Variants in PLCL1 observed in about 807,000 individuals in gnomAD.
The protein encoded by PLCL1 is phospholipase C like 1 (inactive), also known as inactive phospholipase C-like protein 1.
A neutral mutation model predicts 84.4 loss-of-function variants in PLCL1; 41 were observed. The ratio of observed to expected loss-of-function variants is 0.49; its 90% confidence interval spans 0.38 to 0.63. The LOEUF is 0.63. PLCL1 is among the 30% of genes least tolerant of loss of function. The pLI, the probability that PLCL1 is intolerant of heterozygous loss-of-function variation, is 0.00. For missense variants in PLCL1, 1,206 were observed against 1,367.8 expected, an observed-to-expected ratio of 0.88 and a Z score of 1.87; for synonymous variants, 490 against 488.3, an observed-to-expected ratio of 1.00 and a Z score of -0.05.
chr2:197,897,471 CT>C (rs1429618620), intron 1 of PLCL1, among the ~76,000 whole-genome samples: 5 of 151,936 alleles, frequency 3.3e-5, no homozygotes, highest in Non-Finnish European at 7.4e-5. Context: ...GCCATAGTGT[CT>C]TGGCTAAGTC....
At chr2:197,837,506 C>T (rs1691216145) in intron 1 of PLCL1, among the ~76,000 whole-genome samples, 1 of 152,188 alleles carries the variant, frequency 6.6e-6, no homozygotes, top group South Asian at 2.1e-4. Context: ...GATCAGCTGA[C>T]TTCAGGTCAT....
intron 1 of PLCL1, among the ~76,000 whole-genome samples, chr2:197,831,830 A>C (rs1452203236): frequency 6.6e-6 from 1 of 152,258 alleles, no homozygotes; most frequent in Non-Finnish European, 1.5e-5. Context: ...CGCAGACCAC[A>C]GTGCAATCAA....
At chr2:198,104,682 C>T (rs1693429052) in intron 5 of PLCL1, among the ~76,000 whole-genome samples, 1 of 152,002 alleles carries the variant, frequency 6.6e-6, no homozygotes, top group African/African-American at 2.4e-5. Flanking sequence ...TCGCTTTTCT[C>T]CACAACCTTG....
chr2:197,939,382 T>C (rs908154812), intron 1 of PLCL1, among the ~76,000 whole-genome samples: 1 of 152,186 alleles, frequency 6.6e-6, no homozygotes, highest in Admixed American at 6.6e-5. Context: ...GGGACCTGTA[T>C]TTGTTTTCCA....
In PLCL1 at chr2:197,806,584, GTTTCTGT is replaced by G. The variant is rs1440265113; in HGVS notation, c.240+1247_240+1253del. 2.6e-5 allele frequency among the ~76,000 whole-genome samples: 4 copies of G among 152,276 alleles called. No homozygotes were observed. In the East Asian group the frequency reaches 7.7e-4, roughly 29 times the overall value. ...TGGTAATTACAAATGGCTTGTAGTA[GTTTCTGT>G]TATTTTGTGGCTTTTTGATTATGTA... On this transcript the variant is annotated intron_variant, in intron 1 of 5. Transcript: ENST00000428675.
intron 5 of PLCL1, among the ~76,000 whole-genome samples, chr2:198,112,767 G>C (rs1216439693): frequency 6.6e-6 from 1 of 151,838 alleles, no homozygotes; most frequent in Non-Finnish European, 1.5e-5. Context: ...AACGCAACTG[G>C]GAGGGGCAAA....
chr2:197,939,546 T>TACC (rs1459279480), intron 1 of PLCL1, among the ~76,000 whole-genome samples: 4 of 152,124 alleles, frequency 2.6e-5, no homozygotes, highest in African/African-American at 9.7e-5. Flanking sequence ...CCTCCTGGTT[T>TACC]CTTCATGTGG....
At chr2:198,105,268 A>G (rs1447713518) in intron 5 of PLCL1, among the ~76,000 whole-genome samples, 1 of 152,042 alleles carries the variant, frequency 6.6e-6, no homozygotes, top group African/African-American at 2.4e-5. Context: ...CTTATTGAAT[A>G]GGGAGTCCTT....
At chr2:197,951,758 A>C (rs1039041829) in intron 1 of PLCL1, among the ~76,000 whole-genome samples, 3 of 152,176 alleles carry the variant, frequency 2.0e-5, no homozygotes, top group Admixed American at 6.6e-5. Flanking sequence ...CGTTTTATTA[A>C]AGACTAGAAG....
chr2:198,086,819 C>G (rs904393915), intron 2 of PLCL1, among the ~76,000 whole-genome samples: 2 of 152,048 alleles, frequency 1.3e-5, no homozygotes, highest in Non-Finnish European at 2.9e-5. Flanking sequence ...AAATGTGCAT[C>G]TGAAACAATG....
intron 1 of PLCL1, among the ~76,000 whole-genome samples, chr2:197,910,491 G>A (rs1688467089): frequency 6.6e-6 from 1 of 152,134 alleles, no homozygotes; most frequent in South Asian, 2.1e-4. Flanking sequence ...GCCCTTTCAG[G>A]TTTTTTGTTT....
chr2:197,881,538 T>TGTGTGTGTGTGTGTGA (rs924664197), intron 1 of PLCL1, among the ~76,000 whole-genome samples: 4 of 151,986 alleles, frequency 2.6e-5, no homozygotes, highest in African/African-American at 9.7e-5. Context: ...TGTGTGTGTG[T>TGTGTGTGTGTGTGTGA]GAGCTAGTTT....
chr2:198,146,763 T>G lies in PLCL1; in HGVS notation c.3106-17T>G. 6.2e-7 allele frequency: 1 copy of G among 1,601,706 alleles called. No homozygotes were observed. The highest frequency in any genetic ancestry group is 1.1e-5 in the South Asian group (1 of 89,884). On this transcript the variant is annotated splice_polypyrimidine_tract_variant and intron_variant, in intron 5 of 5. Coordinates refer to ENST00000428675, the MANE Select transcript of PLCL1 (RefSeq NM_006226.4). ...CCATAACTGTCTTCTTTGATGCCTGTTTTTTTCTGTTTGTAGGGCCAAGGA... is the reference window on the plus strand; with the variant it reads ...CCATAACTGTCTTCTTTGATGCCTGGTTTTTTCTGTTTGTAGGGCCAAGGA...
chr2:197,983,796 A>G (rs1690166521), intron 1 of PLCL1, among the ~76,000 whole-genome samples: 1 of 152,212 alleles, frequency 6.6e-6, no homozygotes, highest in South Asian at 2.1e-4. Context: ...GCCTTCTGCC[A>G]TTTTACACAC....
At chr2:197,942,881 T>A (rs1689188031) in intron 1 of PLCL1, among the ~76,000 whole-genome samples, 1 of 152,180 alleles carries the variant, frequency 6.6e-6, no homozygotes, top group African/African-American at 2.4e-5. Context: ...TGGAAATTTT[T>A]TCCTGTTATT....
intron 1 of PLCL1, among the ~76,000 whole-genome samples, chr2:198,051,134 A>T (rs1377897643): frequency 6.6e-6 from 1 of 152,224 alleles, no homozygotes; most frequent in Non-Finnish European, 1.5e-5. Context: ...CAAGAAAATT[A>T]TAAGGAGAAC....
chr2:198,009,439 G>T (rs1387749646), intron 1 of PLCL1, among the ~76,000 whole-genome samples: 1 of 151,916 alleles, frequency 6.6e-6, no homozygotes, highest in African/African-American at 2.4e-5. Context: ...TGTTGAAGAG[G>T]CTGTCTTTTC....
chr2:197,923,246 G>T lies in PLCL1; in HGVS notation c.240+117907G>T, dbSNP rs1381743375. 1.2e-3 allele frequency among the ~76,000 whole-genome samples: 184 copies of T among 150,060 alleles called. 1 individual carries two copies. Among genetic ancestry groups the T allele is most frequent in the African/African-American group, 4.5e-3 (183 of 40,754 alleles). On this transcript the variant is annotated intron_variant, in intron 1 of 5. Coordinates refer to ENST00000428675, the MANE Select transcript of PLCL1 (RefSeq NM_006226.4). Reference sequence around the variant, plus strand: ...CCCTCCCGGATGGGGCGGCTGGCCGGGCGGGGGGCTGACCCCCCCCACCTC... The same window carrying T: ...CCCTCCCGGATGGGGCGGCTGGCCGTGCGGGGGGCTGACCCCCCCCACCTC...
chr2:197,919,171 G>A (rs1688658959), intron 1 of PLCL1, among the ~76,000 whole-genome samples: 1 of 152,126 alleles, frequency 6.6e-6, no homozygotes, highest in Admixed American at 6.5e-5. Flanking sequence ...GGCAAAACTA[G>A]CTTCTTTTGC....
Sources: gnomAD v4.1 joint callset for allele counts (sites outside exome capture counted in the v4.1 genomes callset) on GRCh38, gnomAD v4.1.1 for gene constraint, MANE v1.5 for transcripts, NCBI Gene and HGNC (gene_info 2026-07-23, HGNC 2026-07-21) for gene names.